The following ZFHX3 variants were observed in gnomAD, a reference collection of about 807,000 sequenced individuals.
ZFHX3 encodes the protein zinc finger homeobox protein 3.
In ZFHX3, 42 loss-of-function variants were observed where a neutral mutation model predicts 279.1. The ratio of observed to expected loss-of-function variants is 0.15; its 90% CI spans 0.12 to 0.19. ZFHX3 has a LOEUF of 0.19. ZFHX3 is among the 10% of genes least tolerant of loss of function. ZFHX3 has a pLI of 1.00. For synonymous variants in ZFHX3, 2,293 were observed against 1,957.8 expected (o/e 1.17, Z -4.52); for missense variants, 4,981 against 4,754.0 (o/e 1.05, Z -1.40).
intron 8 of ZFHX3, among the ~76,000 whole-genome samples, chr16:73,071,008 GC>G (rs1965820423): frequency 9.7e-5 from 1 of 10,314 alleles, no homozygotes; most frequent in East Asian, 5.1e-3. Flanking sequence ...CCCCTACCCC[GC>G]CCCCCAACCC....
In ZFHX3 at chr16:73,811,925, G is replaced by A. The variant is rs28458369; in HGVS notation, c.-1608+79726C>T. 3.3e-3 allele frequency among the ~76,000 whole-genome samples: 503 copies of A among 152,252 alleles called. 4 individuals carry two copies. The highest frequency in any genetic ancestry group is 0.011 in the African/African-American group (470 of 41,542). ...ACTCTAGTTGAATGTTTCTGTGTGT[G>A]GAGACTGTGCTGAACTTTTTATCTT... On this transcript the variant is annotated intron_variant, in intron 1 of 17. Transcript: ENST00000641206.
In ZFHX3 at chr16:72,794,131, C is replaced by T. The variant is rs768910860; in HGVS notation, c.8551G>A (p.Gly2851Ser). 6.2e-7 allele frequency: 1 copy of T among 1,614,170 alleles called. No homozygotes were observed. The highest frequency in any genetic ancestry group is 8.5e-7 in the Non-Finnish European group (1 of 1,180,036). ...GTTGCACTGTCGTTATCTGCGTTGC[C>T]CTCGTCTCCAGTTGTGGTATCTGTG... Reference protein sequence around the residue: ...AITDTTTGDEGNADNDSATGI... With the variant: ...AITDTTTGDESNADNDSATGI... Residue 2851 changes from glycine (G) to serine (S), a missense_variant, in exon 9 of 10, where the codon GGC becomes AGC. Transcript: ENST00000268489. This position sits in a 1 kb window ranked among gnomAD's most constrained non-coding sequence, Gnocchi z 4.2.
chr16:73,589,259 C>CAAAAA (rs34481194), intron 2 of ZFHX3, among the ~76,000 whole-genome samples: 6 of 30,954 alleles, frequency 1.9e-4, no homozygotes, highest in Non-Finnish European at 3.2e-4. Context: ...GATTCTGTCT[C>CAAAAA]AAAAAAAAAA....
chr16:73,092,890 G>C (rs1489235595), intron 8 of ZFHX3: 1 of 519,268 alleles, frequency 1.9e-6, no homozygotes, highest in Non-Finnish European at 3.9e-6. Context: ...GGCTGTGTGT[G>C]TCCCACGCGC....
chr16:73,576,612 G>T, intron 2 of ZFHX3, among the ~76,000 whole-genome samples: 1 of 152,108 alleles, frequency 6.6e-6, no homozygotes, highest in East Asian at 1.9e-4. Context: ...ACACCCTGCT[G>T]ACAGTTCTGT....
intron 3 of ZFHX3, among the ~76,000 whole-genome samples, chr16:73,453,662 T>C (rs996275727): frequency 1.3e-5 from 2 of 152,210 alleles, no homozygotes; most frequent in Non-Finnish European, 2.9e-5. Context: ...TAGTCTGTTT[T>C]CATGCTGCTG....
intron 2 of ZFHX3, among the ~76,000 whole-genome samples, chr16:73,635,441 C>T (rs183530690): frequency 8.1e-4 from 123 of 152,286 alleles, no homozygotes; most frequent in African/African-American, 2.7e-3. Flanking sequence ...CAAACACACA[C>T]GTATGCACCC....
chr16:73,195,543 C>T (rs1012482580), intron 5 of ZFHX3, among the ~76,000 whole-genome samples: 11 of 151,552 alleles, frequency 7.3e-5, no homozygotes, highest in Non-Finnish European at 1.3e-4. Flanking sequence ...CTCAGCCTCC[C>T]GAGCAGCTGG....
intron 1 of ZFHX3, among the ~76,000 whole-genome samples, chr16:73,035,046 T>A (rs1381607846): frequency 6.6e-6 from 1 of 152,114 alleles, no homozygotes; most frequent in African/African-American, 2.4e-5. Context: ...AGCTGCACCA[T>A]CCACTAGGTA....
chr16:73,192,347 A>G (rs1339552428), intron 5 of ZFHX3, among the ~76,000 whole-genome samples: 1 of 152,080 alleles, frequency 6.6e-6, no homozygotes, highest in Non-Finnish European at 1.5e-5. Flanking sequence ...CTGAAACCCA[A>G]ACCACCCGCC....
chr16:73,461,643 G>A (rs530828847), intron 2 of ZFHX3, among the ~76,000 whole-genome samples: 3 of 152,302 alleles, frequency 2.0e-5, no homozygotes, highest in African/African-American at 7.2e-5. Flanking sequence ...TGAAAGGCTA[G>A]CTTTCCTCCA....
chr16:73,525,803 T>C (rs2019681115), intron 2 of ZFHX3, among the ~76,000 whole-genome samples: 1 of 152,180 alleles, frequency 6.6e-6, no homozygotes, highest in African/African-American at 2.4e-5. Context: ...TTCTAGTAAT[T>C]TTTCTCTTAG....
At chr16:73,794,755 G>T (rs1959942493) in intron 1 of ZFHX3, among the ~76,000 whole-genome samples, 1 of 152,118 alleles carries the variant, frequency 6.6e-6, no homozygotes. Context: ...TCTATAAAGG[G>T]CTATCGATTA....
chr16:72,980,291 C>T (rs556314199), intron 1 of ZFHX3, among the ~76,000 whole-genome samples: 5 of 152,196 alleles, frequency 3.3e-5, no homozygotes, highest in South Asian at 2.1e-4. Flanking sequence ...CTCACATGGA[C>T]GTTGGGGAAG....
intron 7 of ZFHX3, among the ~76,000 whole-genome samples, chr16:73,111,098 G>A (rs1029903868): frequency 6.6e-6 from 1 of 151,864 alleles, no homozygotes; most frequent in Non-Finnish European, 1.5e-5. Flanking sequence ...GCACCACCAC[G>A]CCCGGCTAAT....
rs569239569 is a variant in ZFHX3, at chr16:73,009,344, T to C, written c.-50+38408A>G. Among the ~76,000 whole-genome samples the C allele has an allele frequency of 2.0e-5, 3 of 152,236 alleles. No homozygotes were observed. In the East Asian group the frequency reaches 5.8e-4, roughly 29 times the overall value. On this transcript the variant is annotated intron_variant, in intron 1 of 9. Coordinates refer to ENST00000268489, the MANE Select transcript of ZFHX3 (RefSeq NM_006885.4). ...TATTATGTTACCATATAATGAAGGA[T>C]GCCGGTAAACAGAAATCCACACGCC...
intron 3 of ZFHX3, among the ~76,000 whole-genome samples, chr16:72,902,411 G>C (rs1284603576): frequency 6.6e-6 from 1 of 152,188 alleles, no homozygotes; most frequent in Non-Finnish European, 1.5e-5. Context: ...ACAGCCCCCA[G>C]CTTGCGCCTG....
At chr16:73,759,217 C>T (rs2053839571) in intron 1 of ZFHX3, among the ~76,000 whole-genome samples, 1 of 152,146 alleles carries the variant, frequency 6.6e-6, no homozygotes, top group Non-Finnish European at 1.5e-5. Context: ...AATTAAGATC[C>T]TTCTCTCTTG....
chr16:73,039,556 TGGGGAGATGCCA>T, intron 1 of ZFHX3, among the ~76,000 whole-genome samples: 1 of 152,312 alleles, frequency 6.6e-6, no homozygotes, highest in South Asian at 2.1e-4. Flanking sequence ...TGGCATCTAG[TGGGGAGATGCCA>T]GGGATACTAA....
Sources: gnomAD v4.1 joint callset for allele counts (sites outside exome capture counted in the v4.1 genomes callset) on GRCh38, gnomAD v4.1.1 for gene constraint, Gnocchi (gnomAD v3.1) non-coding constraint, MANE v1.5 for transcripts, NCBI Gene and HGNC (gene_info 2026-07-23, HGNC 2026-07-21) for gene names.